Variants in GLB1L3 observed in about 807,000 individuals in gnomAD.
The protein encoded by GLB1L3 is galactosidase beta 1 like 3.
In GLB1L3, 89 loss-of-function variants were observed where a neutral mutation model predicts 89.5. That is an observed-to-expected ratio of 0.99 (90% confidence interval 0.84 to 1.19). GLB1L3 has a LOEUF of 1.19. GLB1L3 is among the 50% of genes most tolerant of loss of function. The pLI is 0.00. For missense variants in GLB1L3, 812 were observed against 813.3 expected (o/e 1.00, Z 0.02); for synonymous variants, 314 against 312.3 (o/e 1.01, Z -0.06).
At chr11:134,279,895 A>G (rs1399822303) in intron 3 of GLB1L3, among the ~76,000 whole-genome samples, 2 of 151,568 alleles carry the variant, frequency 1.3e-5, no homozygotes, top group African/African-American at 2.4e-5. Context: ...CCTTTTCTCT[A>G]CTTTATTAAA....
chr11:134,278,011 TA>T, intron 3 of GLB1L3, 99 bp downstream of exon 3: 1 of 1,095,484 alleles, frequency 9.1e-7, no homozygotes, highest in South Asian at 1.4e-5. Flanking sequence ...CGTGAGGACT[TA>T]CCTTCCGCAC....
intron 9 of GLB1L3, among the ~76,000 whole-genome samples, chr11:134,294,116 G>T (rs759931372): frequency 6.6e-6 from 1 of 151,890 alleles, no homozygotes; most frequent in Non-Finnish European, 1.5e-5. Flanking sequence ...GCCCAGGCTG[G>T]AGTGCAATGG....
Position 134,302,844 on chromosome 11 carries a change from A to G in GLB1L3, c.877-4280A>G, listed in dbSNP as rs1182192453. The stretch of plus-strand genomic sequence containing the variant: ...TCTGTTTAAGTTCTATGTCAATTTT[A>G]TTTATTGTGTTATTCTAGTTTTCTA... On this transcript the variant is annotated intron_variant, in intron 9 of 19. Coordinates refer to ENST00000431683, the MANE Select transcript of GLB1L3 (RefSeq NM_001080407.3). Among the ~76,000 whole-genome samples the G allele has an allele frequency of 2.0e-5, 3 of 151,924 alleles. No homozygotes were observed. In the East Asian group the frequency reaches 5.8e-4, roughly 29 times the overall value.
At chr11:134,322,863 G>A (rs1482551158), downstream of GLB1L3, among the ~76,000 whole-genome samples, 22 of 152,120 alleles carry the variant, frequency 1.4e-4, no homozygotes, top group Admixed American at 1.4e-3. Context: ...TATGAATAAT[G>A]CTACTATGAA....
chr11:134,276,737 C>T lies in GLB1L3; in HGVS notation c.-4C>T. The T allele has an allele frequency of 6.9e-7, 1 of 1,450,774 alleles. No homozygotes were observed. The highest frequency in any genetic ancestry group is 3.1e-5 in the East Asian group (1 of 32,662). The allele number at this position is 1,450,774 out of a possible 1,614,324, so 89.9% of individuals were successfully genotyped here. A position where few individuals can be genotyped will look rare whatever the true frequency, so the allele number is the denominator to read the frequency against. On this transcript the variant is annotated 5_prime_UTR_variant, in exon 1 of 20. Transcript: ENST00000431683. ...GGGACCCTCGGCGCCTCGGCCTGGC[C>T]GCGATGAAGTCCCCGCCCCTCCTCA... is the stretch of plus-strand genomic sequence containing the variant.
At chr11:134,316,248 T>C (rs1404602028) in intron 18 of GLB1L3, among the ~76,000 whole-genome samples, 1 of 152,064 alleles carries the variant, frequency 6.6e-6, no homozygotes, top group African/African-American at 2.4e-5. Flanking sequence ...ATTTATTGTA[T>C]TTATTTTCAT....
intron 10 of GLB1L3, among the ~76,000 whole-genome samples, chr11:134,308,487 CATCACCACCAAAT>C (rs1247356047): frequency 1.4e-3 from 11 of 7,776 alleles, no homozygotes; most frequent in African/African-American, 1.7e-3. Flanking sequence ...CCACCACCAC[CATCACCACCAAAT>C]ACCACCACCA....
intron 10 of GLB1L3, among the ~76,000 whole-genome samples, chr11:134,308,383 C>CCAT (rs1565413450): frequency 1.5e-5 from 1 of 68,414 alleles, no homozygotes; most frequent in East Asian, 3.9e-4. Flanking sequence ...ACCACCATCA[C>CCAT]CACCATCACC....
chr11:134,313,908 A>T (rs1942865692), intron 16 of GLB1L3, 33 bp from the exon 17 acceptor site: 10 of 1,386,354 alleles, frequency 7.2e-6, no homozygotes, highest in Non-Finnish European at 1.0e-5. Flanking sequence ...CCTGGCTCAT[A>T]TTCTCTTTCC....
At chr11:134,293,008 G>A in intron 8 of GLB1L3, 137 bp from the exon 9 acceptor site, 1 of 712,202 alleles carries the variant, frequency 1.4e-6, no homozygotes, top group Admixed American at 2.1e-5. Flanking sequence ...GGCAGAGTGG[G>A]GTCCAGACAG....
At chr11:134,295,478 C>T (rs1431338307) in intron 9 of GLB1L3, among the ~76,000 whole-genome samples, 2 of 152,162 alleles carry the variant, frequency 1.3e-5, no homozygotes, top group African/African-American at 4.8e-5. Context: ...CTCTTTCAGT[C>T]CTAATATTGC....
chr11:134,277,537 C>T, intron 2 of GLB1L3, 86 bp downstream of exon 2: 3 of 1,557,396 alleles, frequency 1.9e-6, no homozygotes, highest in Non-Finnish European at 1.8e-6. Context: ...ATGCACAGAA[C>T]ACGTCCTACT....
intron 7 of GLB1L3, 123 bp from the exon 8 acceptor site, chr11:134,292,007 CAT>C: frequency 1.5e-6 from 1 of 669,662 alleles, no homozygotes; most frequent in South Asian, 2.1e-5. Flanking sequence ...AAAGTAAAAA[CAT>C]ATTTCTGACT....
At chr11:134,300,252 CTG>C (rs1031076963) in intron 9 of GLB1L3, among the ~76,000 whole-genome samples, 14 of 152,112 alleles carry the variant, frequency 9.2e-5, no homozygotes, top group Admixed American at 5.9e-4. Context: ...GATCTCTTCT[CTG>C]TGTGTGTCTG....
At position 134,277,415 on chromosome 11, in the gene GLB1L3, A is replaced by G. The variant is rs762611229; in HGVS notation, c.113A>G (p.Asn38Ser). ...GCTCCTCGGTTTAAGCAGGAAGAGA[A>G]CTTCATGCTTGGAAGAGCGCATCCG... ...GFAPRFKQEENFMLGRAHPSQ... is the reference protein window; with the variant it reads ...GFAPRFKQEESFMLGRAHPSQ... The change falls in exon 2 of 20, where the codon AAC becomes AGC. Residue 38 changes from asparagine to serine, a missense_variant. Physicochemically the swap from Asn to Ser is conservative, Grantham distance 46 (BLOSUM62 1). Coordinates refer to ENST00000431683, the MANE Select transcript of GLB1L3 (RefSeq NM_001080407.3). 4.3e-6 allele frequency: 7 copies of G among 1,613,728 alleles called. No homozygotes were observed. The African/African-American group carries it at 6.7e-5, about 15-fold the overall frequency.
rs752957564 is a variant in GLB1L3 at position 134,314,658 on chromosome 11, CAA to C, written c.1779+218_1779+219del. Among the ~76,000 whole-genome samples the C allele has an allele frequency of 9.9e-5, 15 of 152,224 alleles. 1 individual carries two copies. In the Middle Eastern group the frequency reaches 0.014, roughly 138 times the overall value. On this transcript the variant is annotated intron_variant, in intron 18 of 19. Coordinates refer to ENST00000431683, the MANE Select transcript of GLB1L3 (RefSeq NM_001080407.3). ...GCACAATTAAAAATTCAAACAATAA[CAA>C]GAGGGAGAGAGCAAAGCATGAAGTT...
At chr11:134,310,834 T>G (rs1375423739) in intron 12 of GLB1L3, 183 bp downstream of exon 12, 1 of 622,198 alleles carries the variant, frequency 1.6e-6, no homozygotes, top group African/African-American at 1.8e-5. Flanking sequence ...AAATCAGGGT[T>G]TCTAAGCATT....
intron 10 of GLB1L3, among the ~76,000 whole-genome samples, chr11:134,308,244 TCACCACCATCACCAC>T (rs1942350108): frequency 5.1e-5 from 1 of 19,788 alleles, no homozygotes; most frequent in African/African-American, 2.7e-4. Context: ...ACCATCACCA[TCACCACCATCACCAC>T]CACCACCACC....
At chr11:134,309,956 A>G (rs918473948) in intron 11 of GLB1L3, 193 bp downstream of exon 11, 9 of 634,544 alleles carry the variant, frequency 1.4e-5, no homozygotes, top group Middle Eastern at 3.4e-4. Context: ...TGCAGTAGAC[A>G]GGGCTTTCCG....
Sources: gnomAD v4.1 joint callset for allele counts (sites outside exome capture counted in the v4.1 genomes callset) on GRCh38, gnomAD v4.1.1 for gene constraint, MANE v1.5 for transcripts, NCBI Gene and HGNC (gene_info 2026-07-23, HGNC 2026-07-21) for gene names.